Variants in MTUS1 observed in about 807,000 individuals in gnomAD.
The protein encoded by MTUS1 is microtubule associated scaffold protein 1, also known as microtubule-associated tumor suppressor 1.
In MTUS1, 109 loss-of-function variants were observed where a neutral mutation model predicts 120.8. That is an observed-to-expected ratio of 0.90 (90% CI 0.77 to 1.06). MTUS1 has a LOEUF of 1.06. Among genes scored for constraint, MTUS1 ranks in the 50% least tolerant of loss-of-function variants. MTUS1 has a pLI of 0.00. For missense variants in MTUS1, 2,210 were observed against 1,486.3 expected (o/e 1.49, Z -8.01); for synonymous variants, 737 against 550.5 (o/e 1.34, Z -4.74).
chr8:17,768,659 T>C (rs1048066906), intron 1 of MTUS1, among the ~76,000 whole-genome samples: 21 of 152,144 alleles, frequency 1.4e-4, no homozygotes, highest in Admixed American at 1.4e-3. Flanking sequence ...TAGAACATTT[T>C]TATACAAACA....
chr8:17,748,219 A>C (rs1219650966), intron 2 of MTUS1: 1 of 152,290 alleles, frequency 6.6e-6, no homozygotes, highest in Admixed American at 6.5e-5. Flanking sequence ...AGACAGCTGG[A>C]CTTTGGAGGA....
intron 2 of MTUS1, among the ~76,000 whole-genome samples, chr8:17,751,929 G>C (rs927256858): frequency 2.0e-5 from 3 of 146,968 alleles, no homozygotes; most frequent in Non-Finnish European, 4.5e-5. Context: ...CAGTTGATAA[G>C]CATATGCGAA....
At chr8:17,739,530 A>C (rs1247297014) in intron 3 of MTUS1, among the ~76,000 whole-genome samples, 1 of 152,128 alleles carries the variant, frequency 6.6e-6, no homozygotes. Context: ...TAAATCAAAC[A>C]AACAAAACTC....
At chr8:17,690,915 C>G (rs533748131) in intron 6 of MTUS1, among the ~76,000 whole-genome samples, 1 of 152,176 alleles carries the variant, frequency 6.6e-6, no homozygotes, top group African/African-American at 2.4e-5. Context: ...TGTTGTGTTT[C>G]TAAGAAAATA....
chr8:17,709,182 T>A (rs1266289778), intron 6 of MTUS1, among the ~76,000 whole-genome samples: 1 of 151,856 alleles, frequency 6.6e-6, no homozygotes, highest in Non-Finnish European at 1.5e-5. Flanking sequence ...TCCCCACACT[T>A]CCCTGCTTAT....
intron 7 of MTUS1, among the ~76,000 whole-genome samples, chr8:17,682,762 T>G (rs1814840577): frequency 6.6e-6 from 1 of 152,138 alleles, no homozygotes; most frequent in Non-Finnish European, 1.5e-5. Flanking sequence ...ACATAAAAAC[T>G]AATTGTTCCC....
chr8:17,771,426 A>AG (rs1195530672), intron 1 of MTUS1, among the ~76,000 whole-genome samples: 2 of 152,252 alleles, frequency 1.3e-5, no homozygotes, highest in African/African-American at 4.8e-5. Context: ...CATGCAATGA[A>AG]GTTTTCAAAT....
rs778956230 is a variant in MTUS1, at chr8:17,649,951, C to T, written c.3396G>A (p.Gln1132=). The T allele has an allele frequency of 2.1e-5, 33 of 1,595,584 alleles. No homozygotes were observed. The East Asian group carries it at 7.2e-4, about 35-fold the overall frequency. ...AREKANLKNP[Q]IMYLEQELES... The stretch of plus-strand genomic sequence containing the variant: ...CTAACTCCTGTTCTAGATACATGAT[C>T]TGAGGATTTTTCTGGAAAGGACACA... The change falls in exon 13 of 15, where the codon CAG becomes CAA. Residue 1132 remains glutamine (Q), a synonymous_variant. Coordinates refer to ENST00000693296, the MANE Select transcript of MTUS1 (RefSeq NM_001363059.2).
chr8:17,748,750 C>A (rs1351999806), intron 2 of MTUS1, among the ~76,000 whole-genome samples: 1 of 152,194 alleles, frequency 6.6e-6, no homozygotes. Flanking sequence ...GGGGCACCCC[C>A]ATCGCAAGTT....
intron 1 of MTUS1, among the ~76,000 whole-genome samples, chr8:17,790,804 T>C (rs1423560848): frequency 6.6e-6 from 1 of 152,104 alleles, no homozygotes; most frequent in African/African-American, 2.4e-5. Context: ...GTGGCCTACA[T>C]GGTGAAACTC....
rs761607548 is a variant in MTUS1 at position 17,755,623 on chromosome 8, G to C, written c.185C>G (p.Pro62Arg). The C allele has an allele frequency of 1.9e-6, 3 of 1,614,176 alleles. No individual in the cohort carries two copies. Among genetic ancestry groups the C allele is most frequent in the Admixed American group, 3.3e-5 (2 of 60,024 alleles). ...DDMVVDYETD[P>R]AVVTGENISL... Reference sequence around the variant, plus strand: ...AATATTTTCACCAGTAACTACAGCAGGGTCAGTTTCATAATCAACCACCAT... The same window carrying C: ...AATATTTTCACCAGTAACTACAGCACGGTCAGTTTCATAATCAACCACCAT... Residue 62 changes from proline (P) to arginine (R), a missense_variant, in exon 2 of 15, where the codon CCT becomes CGT. Coordinates refer to ENST00000693296, the MANE Select transcript of MTUS1 (RefSeq NM_001363059.2).
chr8:17,686,202 G>C (rs983037884), intron 6 of MTUS1, among the ~76,000 whole-genome samples: 1 of 152,170 alleles, frequency 6.6e-6, no homozygotes, highest in African/African-American at 2.4e-5. Context: ...AACTTCTATG[G>C]GAATCCAGAT....
At chr8:17,766,680 G>A (rs1563355963) in intron 1 of MTUS1, among the ~76,000 whole-genome samples, 1 of 152,092 alleles carries the variant, frequency 6.6e-6, no homozygotes, top group African/African-American at 2.4e-5. Flanking sequence ...TTGTTGTTGT[G>A]GGGTCTGAGA....
At chr8:17,769,379 G>T (rs537215697) in intron 1 of MTUS1, among the ~76,000 whole-genome samples, 1 of 137,668 alleles carries the variant, frequency 7.3e-6, no homozygotes, top group African/African-American at 2.8e-5. Flanking sequence ...ACAGAGTCTC[G>T]CTCTGTCGCC....
intron 13 of MTUS1, among the ~76,000 whole-genome samples, chr8:17,648,001 C>G (rs1806196578): frequency 6.6e-6 from 1 of 152,120 alleles, no homozygotes; most frequent in Non-Finnish European, 1.5e-5. Context: ...AAATCACTTT[C>G]CAGAAAAGGA....
At chr8:17,787,382 G>A (rs1333932180) in intron 1 of MTUS1, among the ~76,000 whole-genome samples, 1 of 152,184 alleles carries the variant, frequency 6.6e-6, no homozygotes, top group East Asian at 1.9e-4. Flanking sequence ...GATGTTTCCA[G>A]AAGTTGAGTA....
At position 17,753,726 on chromosome 8, in the gene MTUS1, A is replaced by G. The variant is rs1354188560; in HGVS notation, c.2082T>C (p.Ser694=). 1.3e-6 allele frequency: 2 copies of G among 1,594,280 alleles called. No individual in the cohort carries two copies. Among genetic ancestry groups the G allele is most frequent in the South Asian group, 2.3e-5 (2 of 86,656 alleles). Residue 694 remains serine, a synonymous_variant, in exon 2 of 15, where the codon TCT becomes TCC. Transcript: ENST00000693296. ...TATATATATTACTTACCAAAAACAG[A>G]GAACCATATTCAAAAGTCTCATTCA... ...EIMNETFEYG[S]LFLGSASKTT...
chr8:17,656,956 A>G (rs1314279881), intron 8 of MTUS1, among the ~76,000 whole-genome samples: 1 of 145,946 alleles, frequency 6.9e-6, no homozygotes, highest in Non-Finnish European at 1.5e-5. Context: ...CTACTCGGGA[A>G]GTTGAGGCAG....
In MTUS1 at chr8:17,741,130, C is replaced by T. The variant is rs145716620; in HGVS notation, c.2287+2474G>A. 4.2e-3 allele frequency among the ~76,000 whole-genome samples: 645 copies of T among 152,190 alleles called. 8 individuals carry two copies. The highest frequency in any genetic ancestry group is 0.014 in the African/African-American group (599 of 41,526). On this transcript the variant is annotated intron_variant, in intron 3 of 14. Coordinates refer to ENST00000693296, the MANE Select transcript of MTUS1 (RefSeq NM_001363059.2). The stretch of plus-strand genomic sequence containing the variant: ...CTGACCTCAGGTGATCCACCTGCCT[C>T]AGCCTCCCAAAGTGCTGGGATTACA...
Sources: gnomAD v4.1 joint callset for allele counts (sites outside exome capture counted in the v4.1 genomes callset) on GRCh38, gnomAD v4.1.1 for gene constraint, MANE v1.5 for transcripts, NCBI Gene and HGNC (gene_info 2026-07-23, HGNC 2026-07-21) for gene names.